CCDC146: variants seen among roughly 807,000 people sequenced by gnomAD.
CCDC146 encodes coiled-coil domain containing 146.
In CCDC146, 92 loss-of-function variants were observed where a neutral mutation model predicts 119.3. That is an observed-to-expected ratio of 0.77 (90% confidence interval 0.65 to 0.92). The LOEUF is 0.92. Among genes scored for constraint, CCDC146 ranks in the 40% least tolerant of loss-of-function variants. The probability of loss-of-function intolerance (pLI) is 0.00; values close to 1 mark genes in which losing one functional copy is unlikely to be tolerated. For synonymous variants in CCDC146, 372 were observed against 371.8 expected (o/e 1.00, Z -0.01); for missense variants, 1,000 against 1,103.0 (o/e 0.91, Z 1.32).
intron 2 of CCDC146, among the ~76,000 whole-genome samples, chr7:77,207,390 C>G (rs997095245): frequency 2.6e-5 from 4 of 152,096 alleles, no homozygotes; most frequent in Admixed American, 2.6e-4. Flanking sequence ...TTATTTTAAA[C>G]TACCCACCAT....
chr7:77,135,457 A>G (rs1314393254), intron 1 of CCDC146, among the ~76,000 whole-genome samples: 2 of 152,122 alleles, frequency 1.3e-5, no homozygotes, highest in African/African-American at 2.4e-5. Context: ...TGAAAAAAAA[A>G]AGAGAGAGAA....
intron 2 of CCDC146, among the ~76,000 whole-genome samples, chr7:77,229,442 T>A (rs1176898341): frequency 1.3e-5 from 2 of 152,246 alleles, no homozygotes; most frequent in Non-Finnish European, 2.9e-5. Flanking sequence ...AGGGTTATTA[T>A]AATTTTAGGT....
intron 1 of CCDC146, among the ~76,000 whole-genome samples, chr7:77,143,359 T>C (rs189410425): frequency 6.6e-6 from 1 of 151,898 alleles, no homozygotes; most frequent in African/African-American, 2.4e-5. Flanking sequence ...TCTCCCATTC[T>C]GTAGGTTGCC....
chr7:77,160,485 G>A (rs71217120), intron 1 of CCDC146, among the ~76,000 whole-genome samples: 1,540 of 151,914 alleles, frequency 0.01, 23 homozygotes, highest in African/African-American at 0.035. Context: ...GGTCCTTCAC[G>A]TCCCTTGTAA....
chr7:77,239,424 T>C (rs139968123), intron 3 of CCDC146, among the ~76,000 whole-genome samples: 2 of 152,348 alleles, frequency 1.3e-5, no homozygotes, highest in East Asian at 3.9e-4. Context: ...GCCTGGAACG[T>C]GTTATGTCCC....
At chr7:77,236,812 C>T in intron 2 of CCDC146, 135 bp from the exon 3 acceptor site, 2 of 646,988 alleles carry the variant, frequency 3.1e-6, no homozygotes, top group Non-Finnish European at 5.5e-6. Flanking sequence ...GGCATGTTTC[C>T]AGTACACTAC....
At chr7:77,235,620 G>A (rs947755071) in intron 2 of CCDC146, among the ~76,000 whole-genome samples, 13 of 152,174 alleles carry the variant, frequency 8.5e-5, no homozygotes, top group African/African-American at 3.1e-4. Flanking sequence ...CACTTGAAGT[G>A]TTTTGATCAC....
At chr7:77,173,066 A>G (rs1480259419) in intron 2 of CCDC146, among the ~76,000 whole-genome samples, 1 of 152,102 alleles carries the variant, frequency 6.6e-6, no homozygotes, top group African/African-American at 2.4e-5. Context: ...GAGGGGAACA[A>G]CACACACCAG....
At chr7:77,211,344 T>C (rs1346208025) in intron 2 of CCDC146, among the ~76,000 whole-genome samples, 1 of 152,218 alleles carries the variant, frequency 6.6e-6, no homozygotes, top group Non-Finnish European at 1.5e-5. Context: ...TTTTTGTGTC[T>C]GGATTATTTA....
At chr7:77,182,619 TAAAC>T (rs1235779764) in intron 2 of CCDC146, among the ~76,000 whole-genome samples, 11 of 151,702 alleles carry the variant, frequency 7.3e-5, no homozygotes, top group African/African-American at 1.9e-4. Context: ...AAAAAACAAA[TAAAC>T]AAACAAAAAA....
chr7:77,209,394 G>A (rs1792140368), intron 2 of CCDC146, among the ~76,000 whole-genome samples: 1 of 152,202 alleles, frequency 6.6e-6, no homozygotes, highest in South Asian at 2.1e-4. Context: ...GCTGACACAG[G>A]GGTGGGCTCT....
In CCDC146 at chr7:77,262,307, G is replaced by C; in HGVS notation, c.1173G>C (p.Glu391Asp). 1 of 1,562,264 alleles carries C rather than the reference G, an allele frequency of 6.4e-7. No homozygotes were observed. Among genetic ancestry groups the C allele is most frequent in the East Asian group, 2.3e-5 (1 of 42,980 alleles). The part of the protein sequence containing the change: ...TQALHQRLLL[E>D]MEAIPKDDST... ...CACTGCATCAAAGGCTTCTATTAGA[G>C]GTGAGGGCTGTAAACTACCATCTGA... Residue 391 changes from glutamate (E) to aspartate (D), a missense_variant and splice_region_variant, in exon 9 of 19, where the codon GAG (glutamate) becomes GAC (aspartate). Coordinates refer to ENST00000285871, the MANE Select transcript of CCDC146 (RefSeq NM_020879.3).
intron 2 of CCDC146, among the ~76,000 whole-genome samples, chr7:77,226,455 T>C (rs530534622): frequency 1.3e-5 from 2 of 152,366 alleles, no homozygotes; most frequent in Non-Finnish European, 2.9e-5. Context: ...ATAAACTCAC[T>C]TGGTGAAAGC....
In CCDC146 at chr7:77,278,772, TAAAGA is replaced by T. The variant is rs751921776; in HGVS notation, c.1464_1468del (p.Lys488AsnfsTer7). Reference sequence around the variant, plus strand: ...TTCAGCAAAAATACACCAACATTGTTAAAGAAATGAAAGCAAAGGATCTTGAAATC... The same window carrying T: ...TTCAGCAAAAATACACCAACATTGTTAATGAAAGCAAAGGATCTTGAAATC... On this transcript the variant is annotated frameshift_variant, in exon 12 of 19. Coordinates refer to ENST00000285871, the MANE Select transcript of CCDC146 (RefSeq NM_020879.3). LOFTEE classifies it high-confidence loss of function. 6.2e-7 allele frequency: 1 copy of T among 1,611,596 alleles called. No individual in the cohort carries two copies. Among genetic ancestry groups the T allele is most frequent in the East Asian group, 2.2e-5 (1 of 44,842 alleles).
chr7:77,260,098 T>C lies in CCDC146; in HGVS notation c.848T>C (p.Ile283Thr). The change falls in exon 8 of 19, where the codon ATA becomes ACA. Residue 283 changes from isoleucine to threonine, a missense_variant. By Grantham distance (89) the Ile-to-Thr change is moderately conservative. This residue lies in a region of CCDC146 where 985 missense variants were observed against 1,045.3 expected (regional missense o/e 0.94). Coordinates refer to ENST00000285871, the MANE Select transcript of CCDC146 (RefSeq NM_020879.3). The part of the protein sequence containing the change: ...LKKVENKVSA[I>T]VDEKENVIKE... ...AAAGTTGAAAACAAGGTTAGTGCTATAGTGGATGAGAAGGAAAATGTAATA... is the reference window on the plus strand; with the variant it reads ...AAAGTTGAAAACAAGGTTAGTGCTACAGTGGATGAGAAGGAAAATGTAATA... 1 of 1,613,902 alleles carries C rather than the reference T, an allele frequency of 6.2e-7. No homozygotes were observed. The highest frequency in any genetic ancestry group is 8.5e-7 in the Non-Finnish European group (1 of 1,179,998).
In CCDC146 at chr7:77,262,106, C is replaced by T. The variant is rs765653883; in HGVS notation, c.987-15C>T. On this transcript the variant is annotated splice_polypyrimidine_tract_variant and intron_variant, in intron 8 of 18. Coordinates refer to ENST00000285871, the MANE Select transcript of CCDC146 (RefSeq NM_020879.3). ...TAACAAAATCATTTTCTTCTTCTTC[C>T]TTTACCTGGAACAGAGGGATCTTGG... 39 of 1,550,338 alleles carry T rather than the reference C, an allele frequency of 2.5e-5. No individual in the cohort carries two copies. Among genetic ancestry groups the T allele is most frequent in the Non-Finnish European group, 3.1e-5 (36 of 1,149,232 alleles).
chr7:77,171,481 A>G (rs1791420577), intron 2 of CCDC146, among the ~76,000 whole-genome samples: 2 of 152,218 alleles, frequency 1.3e-5, no homozygotes, highest in South Asian at 2.1e-4. Flanking sequence ...GTGAGCTCCC[A>G]TAGCTGCTCT....
At chr7:77,154,479 C>T (rs1455949671) in intron 1 of CCDC146, among the ~76,000 whole-genome samples, 3 of 148,488 alleles carry the variant, frequency 2.0e-5, no homozygotes, top group Admixed American at 6.7e-5. Flanking sequence ...TGACAGGCCC[C>T]GGTGTGTGAT....
intron 1 of CCDC146, among the ~76,000 whole-genome samples, chr7:77,154,704 T>C (rs140254974): frequency 0.028 from 4,192 of 152,184 alleles, 162 homozygotes; most frequent in East Asian, 0.12. Context: ...CAGTCTATCA[T>C]TGATGGACAT....
Sources: allele counts gnomAD v4.1 joint callset (sites outside exome capture counted in the v4.1 genomes callset), GRCh38; gene constraint gnomAD v4.1.1; regional missense constraint gnomAD v4.1.1; transcripts MANE v1.5; gene names NCBI Gene and HGNC (gene_info 2026-07-23, HGNC 2026-07-21).